Variants in SATL1 observed in about 807,000 individuals in gnomAD.
SATL1 encodes the protein spermidine/spermine N1-acetyl transferase like 1, also known as spermidine/spermine N(1)-acetyltransferase-like protein 1.
A neutral mutation model predicts 51.8 loss-of-function variants in SATL1; 47 were observed. The ratio of observed to expected loss-of-function variants is 0.91; its 90% CI spans 0.72 to 1.16. The LOEUF (loss-of-function observed/expected upper bound fraction) is 1.16. Among genes scored for constraint, SATL1 ranks in the 50% most tolerant of loss-of-function variants. The pLI is 0.00. For synonymous variants in SATL1, 176 were observed against 182.4 expected, an observed-to-expected ratio of 0.97 and a Z score of 0.28; for missense variants, 520 against 526.4, an observed-to-expected ratio of 0.99 and a Z score of 0.12.
intron 2 of SATL1, among the ~76,000 whole-genome samples, chrX:85,135,201 A>G (rs1925922395): frequency 9.0e-6 from 1 of 111,177 alleles, no homozygotes; most frequent in African/African-American, 3.3e-5. Flanking sequence ...GGAGAGCACC[A>G]GGAAGAATAG....
At chrX:85,221,180 T>G (rs1388431321) in intron 2 of SATL1, among the ~76,000 whole-genome samples, 2 of 109,788 alleles carry the variant, frequency 1.8e-5, no homozygotes, top group East Asian at 5.8e-4. Flanking sequence ...CCCCAAGATA[T>G]CGGGTCTCTG....
chrX:85,134,184 TAG>T (rs1491575338), intron 2 of SATL1, among the ~76,000 whole-genome samples: 22 of 109,376 alleles, frequency 2.0e-4, no homozygotes, highest in African/African-American at 6.4e-4. Context: ...TGTGTGTGTA[TAG>T]TGTGTGTGTG....
chrX:85,185,640 C>T (rs1207245079), intron 2 of SATL1, among the ~76,000 whole-genome samples: 1 of 111,687 alleles, frequency 9.0e-6, no homozygotes, highest in East Asian at 2.9e-4. Flanking sequence ...TGCCTGGCTA[C>T]CACTGATGTT....
chrX:85,197,806 G>T (rs1215409436), intron 2 of SATL1, among the ~76,000 whole-genome samples: 4 of 109,949 alleles, frequency 3.6e-5, no homozygotes, highest in African/African-American at 1.3e-4. Flanking sequence ...TTTCATCCAT[G>T]TCCCTACAAA....
intron 2 of SATL1, among the ~76,000 whole-genome samples, chrX:85,130,105 C>T (rs1218766704): frequency 9.0e-6 from 1 of 111,547 alleles, no homozygotes. Flanking sequence ...ATCTAAAATT[C>T]TCTTTTTTTG....
At chrX:85,100,773 T>C (rs1924871953) in intron 4 of SATL1, among the ~76,000 whole-genome samples, 1 of 111,514 alleles carries the variant, frequency 9.0e-6, no homozygotes, top group African/African-American at 3.3e-5. Context: ...AAGAATAATA[T>C]TGGAGGACTC....
chrX:85,165,591 A>T (rs1926817527), intron 2 of SATL1, among the ~76,000 whole-genome samples: 1 of 111,046 alleles, frequency 9.0e-6, no homozygotes, highest in Admixed American at 9.6e-5. Context: ...TGAAGACCTA[A>T]TGTAATCTTT....
At chrX:85,093,036 T>A (rs1285022654) in intron 7 of SATL1, 149 bp downstream of exon 7, 1 of 512,174 alleles carries the variant, frequency 2.0e-6, no homozygotes, top group African/African-American at 2.4e-5. Flanking sequence ...ATCATCTGAT[T>A]TGAAAATCCA....
chrX:85,219,636 T>A (rs1322943257), intron 2 of SATL1: 1 of 112,047 alleles, frequency 8.9e-6, no homozygotes, highest in Non-Finnish European at 1.9e-5. Context: ...AATAAGGAGT[T>A]TTATTTGAAA....
At chrX:85,221,146 C>A (rs1454230805) in intron 2 of SATL1, among the ~76,000 whole-genome samples, 1 of 111,530 alleles carries the variant, frequency 9.0e-6, no homozygotes, top group East Asian at 2.8e-4. Context: ...AAGTTCTCAC[C>A]ATGGATCACA....
intron 2 of SATL1, among the ~76,000 whole-genome samples, chrX:85,156,841 ATATATATATATATATATATATATATAT>A (rs1569238845): frequency 3.6e-4 from 10 of 27,708 alleles, no homozygotes; most frequent in Middle Eastern, 0.054. Flanking sequence ...ATATATATAT[ATATATATATATATATATATATATATAT>A]AAAATATGTA....
At chrX:85,193,992 G>T (rs964062005) in intron 2 of SATL1, among the ~76,000 whole-genome samples, 3 of 111,684 alleles carry the variant, frequency 2.7e-5, no homozygotes, top group Non-Finnish European at 3.8e-5. Context: ...GTGTGCATGG[G>T]TCTTTATGGT....
chrX:85,127,751 T>C (rs1925662768), intron 2 of SATL1, among the ~76,000 whole-genome samples: 1 of 111,121 alleles, frequency 9.0e-6, no homozygotes, highest in Non-Finnish European at 1.9e-5. Flanking sequence ...ACCCATTAAC[T>C]CATCATTTAC....
At chrX:85,163,734 A>G (rs1306351921) in intron 2 of SATL1, among the ~76,000 whole-genome samples, 1 of 111,624 alleles carries the variant, frequency 9.0e-6, no homozygotes, top group East Asian at 2.8e-4. Flanking sequence ...CATATTCTGC[A>G]GTTGTTGGGT....
At chrX:85,111,489 CAT>C (rs1056886234) in intron 2 of SATL1, among the ~76,000 whole-genome samples, 13 of 112,150 alleles carry the variant, frequency 1.2e-4, no homozygotes, top group Non-Finnish European at 1.9e-4. Context: ...TCAGGGAAAA[CAT>C]AGTTTTTAAT....
At chrX:85,119,265 A>T (rs1925453396) in intron 2 of SATL1, among the ~76,000 whole-genome samples, 1 of 111,471 alleles carries the variant, frequency 9.0e-6, no homozygotes, top group African/African-American at 3.3e-5. Context: ...CTTCACTTTC[A>T]TGCCCCCAAA....
chrX:85,096,635 T>TA (rs1924729755), intron 4 of SATL1, among the ~76,000 whole-genome samples: 1 of 111,255 alleles, frequency 9.0e-6, no homozygotes, highest in Non-Finnish European at 1.9e-5. Context: ...CACAGAATCT[T>TA]ACACAGCAAG....
At chrX:85,132,094 T>C (rs1307513106) in intron 2 of SATL1, among the ~76,000 whole-genome samples, 1 of 111,331 alleles carries the variant, frequency 9.0e-6, no homozygotes, top group Non-Finnish European at 1.9e-5. Flanking sequence ...TTTTCCTTCA[T>C]TTCAACCTTG....
intron 2 of SATL1, among the ~76,000 whole-genome samples, chrX:85,155,789 G>C (rs1926572598): frequency 9.0e-6 from 1 of 111,360 alleles, no homozygotes; most frequent in South Asian, 3.7e-4. Context: ...TGGCCTAGGG[G>C]CACTTTCTTA....
Sources: gnomAD v4.1 joint callset for allele counts (sites outside exome capture counted in the v4.1 genomes callset) on GRCh38, gnomAD v4.1.1 for gene constraint, MANE v1.5 for transcripts, NCBI Gene and HGNC (gene_info 2026-07-23, HGNC 2026-07-21) for gene names.